The following KALRN variants were observed in gnomAD, a reference collection of about 807,000 sequenced individuals.
KALRN encodes kalirin.
A neutral mutation model predicts 353.7 loss-of-function variants in KALRN; 70 were observed. The ratio of observed to expected loss-of-function variants is 0.20; its 90% confidence interval spans 0.16 to 0.24. The LOEUF (loss-of-function observed/expected upper bound fraction) is 0.24, where lower values mean the gene tolerates loss of function less well. Ranked by LOEUF, KALRN falls within the 10% of genes least tolerant of loss-of-function variation. KALRN has a pLI of 1.00. For missense variants in KALRN, 2,791 were observed against 3,756.7 expected (o/e 0.74, Z 6.72); for synonymous variants, 1,391 against 1,434.8 (o/e 0.97, Z 0.69).
intron 1 of KALRN, among the ~76,000 whole-genome samples, chr3:124,048,872 C>T (rs1261692636): frequency 6.6e-6 from 1 of 152,130 alleles, no homozygotes; most frequent in Non-Finnish European, 1.5e-5. Context: ...CATTTATAAC[C>T]CAGATTTTCT....
At position 124,456,631 on chromosome 3, in the gene KALRN, G is replaced by T; in HGVS notation, c.3757G>T (p.Asp1253Tyr). 3.1e-6 allele frequency: 5 copies of T among 1,612,690 alleles called. No homozygotes were observed. The South Asian group carries it at 5.5e-5, about 18-fold the overall frequency. Residue 1253 changes from aspartate to tyrosine, a missense_variant, in exon 23 of 60, where the codon GAT becomes TAT. Coordinates refer to ENST00000682506, the MANE Select transcript of KALRN (RefSeq NM_001388419.1). Reference sequence around the variant, plus strand: ...GCAGGATAATAAGGACCTGGAGCTGGATATTATCCCAGCAAGCCTTTCGGA... The same window carrying T: ...GCAGGATAATAAGGACCTGGAGCTGTATATTATCCCAGCAAGCCTTTCGGA... The part of the protein sequence containing the change: ...NTEDNKDLEL[D>Y]IIPASLSDRE...
At chr3:124,496,233 C>T (rs377572046) in intron 32 of KALRN, 78 bp from the exon 33 acceptor site, 8 of 1,074,862 alleles carry the variant, frequency 7.4e-6, no homozygotes, top group African/African-American at 3.1e-5. Context: ...GCCCACCCAA[C>T]CGGAAATCCT....
chr3:124,118,411 A>T (rs1197493510), intron 1 of KALRN, among the ~76,000 whole-genome samples: 2 of 152,014 alleles, frequency 1.3e-5, no homozygotes, highest in Non-Finnish European at 2.9e-5. Context: ...CTTAGTTAGG[A>T]TTATGCCATC....
chr3:124,600,784 G>T (rs1246587033), intron 34 of KALRN, among the ~76,000 whole-genome samples: 3 of 152,162 alleles, frequency 2.0e-5, no homozygotes, highest in Non-Finnish European at 4.4e-5. Context: ...TAGCCTAGAG[G>T]CAGGTTTGGA....
At chr3:124,508,228 C>A (rs969042561) in intron 33 of KALRN, among the ~76,000 whole-genome samples, 14 of 152,060 alleles carry the variant, frequency 9.2e-5, no homozygotes, top group Non-Finnish European at 1.3e-4. Context: ...GATGTAAAAA[C>A]CATGCAGGTC....
At chr3:124,287,816 T>A (rs2076070926) in intron 5 of KALRN, among the ~76,000 whole-genome samples, 3 of 130,070 alleles carry the variant, frequency 2.3e-5, no homozygotes, top group Admixed American at 7.7e-5. Context: ...TATATATATA[T>A]ATATATATAT....
At chr3:124,310,455 C>A (rs1356030218) in intron 6 of KALRN, among the ~76,000 whole-genome samples, 1 of 151,974 alleles carries the variant, frequency 6.6e-6, no homozygotes, top group Non-Finnish European at 1.5e-5. Context: ...GCAGAATAGC[C>A]AAAATAATGT....
chr3:124,350,201 C>T (rs2082700455), intron 10 of KALRN, among the ~76,000 whole-genome samples: 1 of 152,178 alleles, frequency 6.6e-6, no homozygotes, highest in Non-Finnish European at 1.5e-5. Context: ...CCATCCCAGT[C>T]CCATTTTTCC....
At chr3:124,550,711 C>G (rs2070390043) in intron 33 of KALRN, among the ~76,000 whole-genome samples, 1 of 152,010 alleles carries the variant, frequency 6.6e-6, no homozygotes, top group Admixed American at 6.6e-5. Context: ...AAGTTAAGAC[C>G]AGGCGCAGTG....
chr3:124,605,584 A>AGAGAGAGAGAGAGAG (rs377624275), intron 34 of KALRN, among the ~76,000 whole-genome samples: 3 of 132,156 alleles, frequency 2.3e-5, no homozygotes, highest in African/African-American at 1.0e-4. Context: ...AAAAAAAAAA[A>AGAGAGAGAGAGAGAG]AAAGAGAGAG....
intron 1 of KALRN, among the ~76,000 whole-genome samples, chr3:124,078,275 C>A (rs942529286): frequency 6.6e-6 from 1 of 152,330 alleles, no homozygotes. Flanking sequence ...CTGACTCATT[C>A]TGTACTATAC....
intron 1 of KALRN, among the ~76,000 whole-genome samples, chr3:124,123,084 C>G (rs558053537): frequency 4.6e-4 from 70 of 151,968 alleles, no homozygotes; most frequent in African/African-American, 1.7e-3. Flanking sequence ...GCCTGTAATC[C>G]CAGGTACTCA....
intron 5 of KALRN, 62 bp downstream of exon 5, chr3:124,269,317 C>A: frequency 6.7e-7 from 1 of 1,485,402 alleles, no homozygotes; most frequent in Non-Finnish European, 9.0e-7. Context: ...GGTTGCTCAT[C>A]CAACTTTCTG....
At chr3:124,126,105 G>A (rs1386802937) in intron 1 of KALRN, among the ~76,000 whole-genome samples, 1 of 152,050 alleles carries the variant, frequency 6.6e-6, no homozygotes. Flanking sequence ...TGTTGAATAG[G>A]AGAGAATCAT....
At chr3:124,395,484 C>T (rs1318835197) in intron 12 of KALRN, 141 bp downstream of exon 12, 1 of 630,002 alleles carries the variant, frequency 1.6e-6, no homozygotes, top group Admixed American at 2.8e-5. Flanking sequence ...TGTAAAAATG[C>T]CTGCACCATA....
At chr3:124,083,663 C>A (rs1676300251) in intron 1 of KALRN, among the ~76,000 whole-genome samples, 1 of 152,234 alleles carries the variant, frequency 6.6e-6, no homozygotes. Context: ...TTTGCCCGAT[C>A]TTACACAACT....
chr3:124,566,977 C>T (rs986760227), intron 34 of KALRN, among the ~76,000 whole-genome samples: 2 of 152,146 alleles, frequency 1.3e-5, no homozygotes, highest in Non-Finnish European at 2.9e-5. Flanking sequence ...GGGCTAAGCA[C>T]CTTGTGAGTG....
At chr3:124,149,444 C>T (rs1045028645) in intron 1 of KALRN, among the ~76,000 whole-genome samples, 1 of 152,220 alleles carries the variant, frequency 6.6e-6, no homozygotes, top group African/African-American at 2.4e-5. Context: ...GACTGTGGCA[C>T]AGCTTCCAGC....
chr3:124,490,902 G>A lies in KALRN; in HGVS notation c.4587+18G>A. Reference sequence around the variant, plus strand: ...AGCTACTGGTAGGTGGGGCAGGTGGGGTAAGACAAGACTCCCTGCTTTCAT... The same window carrying A: ...AGCTACTGGTAGGTGGGGCAGGTGGAGTAAGACAAGACTCCCTGCTTTCAT... On this transcript the variant is annotated intron_variant, in intron 30 of 59. Coordinates refer to ENST00000682506, the MANE Select transcript of KALRN (RefSeq NM_001388419.1). 6.3e-7 allele frequency: 1 copy of A among 1,595,778 alleles called. No individual in the cohort carries two copies. The highest frequency in any genetic ancestry group is 8.5e-7 in the Non-Finnish European group (1 of 1,171,416).
Sources: gnomAD v4.1 joint callset for allele counts (sites outside exome capture counted in the v4.1 genomes callset) on GRCh38, gnomAD v4.1.1 for gene constraint, MANE v1.5 for transcripts, NCBI Gene and HGNC (gene_info 2026-07-23, HGNC 2026-07-21) for gene names.